NTN1: variants seen among roughly 807,000 people sequenced by gnomAD.
NTN1 encodes the protein netrin-1.
Under a neutral mutation model 54.2 loss-of-function variants are expected in NTN1, and 11 were observed. The ratio of observed to expected loss-of-function variants is 0.20; its 90% CI spans 0.13 to 0.34. The LOEUF is 0.34. NTN1 is among the 10% of genes least tolerant of loss of function. The pLI is 1.00. For synonymous variants in NTN1, 371 were observed against 382.0 expected (o/e 0.97, Z 0.33); for missense variants, 740 against 893.1 (o/e 0.83, Z 2.18).
intron 2 of NTN1, among the ~76,000 whole-genome samples, chr17:9,111,214 G>A (rs540198958): frequency 3.5e-4 from 54 of 152,274 alleles, no homozygotes; most frequent in African/African-American, 1.2e-3. Flanking sequence ...GGGATTACAG[G>A]CGTGAGCCAC....
At chr17:9,104,990 G>A (rs2092161349) in intron 2 of NTN1, among the ~76,000 whole-genome samples, 1 of 152,248 alleles carries the variant, frequency 6.6e-6, no homozygotes, top group Admixed American at 6.5e-5. Flanking sequence ...TGGGGCAGGG[G>A]TGGGGTGACC....
rs571334142 is a variant in NTN1, at chr17:9,022,757, C to G, written c.384C>G (p.Phe128Leu). Reference protein sequence around the residue: ...TCWQSENYLQFPHNVTLTLSL... With the variant: ...TCWQSENYLQLPHNVTLTLSL... Reference sequence around the variant, plus strand: ...GGCAGTCCGAGAACTACCTGCAGTTCCCGCACAACGTCACGCTCACACTGT... The same window carrying G: ...GGCAGTCCGAGAACTACCTGCAGTTGCCGCACAACGTCACGCTCACACTGT... Residue 128 changes from phenylalanine (F) to leucine (L), a missense_variant, in exon 2 of 7, where the codon TTC (phenylalanine) becomes TTG (leucine). By Grantham distance (22) the Phe-to-Leu change is conservative. Transcript: ENST00000173229. 136 of 1,609,822 alleles carry G rather than the reference C, an allele frequency of 8.4e-5. 4 individuals are homozygous for G. In the South Asian group the frequency reaches 1.4e-3, roughly 17 times the overall value.
intron 2 of NTN1, among the ~76,000 whole-genome samples, chr17:9,153,768 T>G (rs1042989553): frequency 6.6e-6 from 1 of 152,132 alleles, no homozygotes; most frequent in African/African-American, 2.4e-5. Context: ...CCTGTTTTGG[T>G]GTCCTTGTGG....
At chr17:9,210,442 ACC>A (rs930129769) in intron 5 of NTN1, among the ~76,000 whole-genome samples, 15 of 73,462 alleles carry the variant, frequency 2.0e-4, no homozygotes, top group African/African-American at 8.0e-4. Flanking sequence ...ACACCCCCAC[ACC>A]CACACACACA....
intron 2 of NTN1, among the ~76,000 whole-genome samples, chr17:9,033,929 A>G (rs1018144933): frequency 6.6e-6 from 1 of 151,792 alleles, no homozygotes; most frequent in Non-Finnish European, 1.5e-5. Context: ...AAAAAAAAAA[A>G]AAAAAGAAAA....
intron 2 of NTN1, among the ~76,000 whole-genome samples, chr17:9,047,288 T>G (rs374045982): frequency 5.9e-5 from 9 of 152,350 alleles, no homozygotes; most frequent in South Asian, 2.1e-4. Context: ...AGCTGCATAA[T>G]AGTATTTTAC....
Position 9,160,848 on chromosome 17 carries a change from T to C in NTN1, c.1019-1965T>C, listed in dbSNP as rs137990303. Among the ~76,000 whole-genome samples the C allele has an allele frequency of 8.2e-4, 124 of 152,128 alleles. 2 individuals carry two copies. In the East Asian group the frequency reaches 0.02, roughly 24 times the overall value. ...GGCACATGTCTGTGGTCCCAGCTAC[T>C]TGGGAGGCTGAGGTGGGAGGATCTG... is the stretch of plus-strand genomic sequence containing the variant. On this transcript the variant is annotated intron_variant, in intron 2 of 6. Coordinates refer to ENST00000173229, the MANE Select transcript of NTN1 (RefSeq NM_004822.3).
intron 5 of NTN1, among the ~76,000 whole-genome samples, chr17:9,192,555 AG>A (rs1248138255): frequency 1.3e-5 from 2 of 152,152 alleles, no homozygotes; most frequent in African/African-American, 4.8e-5. Flanking sequence ...TAGTGGGTAG[AG>A]GCCAGGGATG....
At chr17:9,159,390 T>A (rs1454614970) in intron 2 of NTN1, among the ~76,000 whole-genome samples, 1 of 152,198 alleles carries the variant, frequency 6.6e-6, no homozygotes, top group Non-Finnish European at 1.5e-5. Flanking sequence ...CGATACCAAA[T>A]GCATATTATT....
At chr17:9,102,578 G>A (rs57602873) in intron 2 of NTN1, among the ~76,000 whole-genome samples, 27,924 of 152,186 alleles carry the variant, frequency 0.18, 3,005 homozygotes, top group Non-Finnish European at 0.24. Context: ...ATCTACTAAA[G>A]CTGACATGTG....
At chr17:9,208,125 G>A (rs1374122364) in intron 5 of NTN1, among the ~76,000 whole-genome samples, 6 of 152,144 alleles carry the variant, frequency 3.9e-5, no homozygotes, top group Non-Finnish European at 2.9e-5. Context: ...CCAGCTACTC[G>A]GGAGGCTGAG....
chr17:9,122,820 T>C (rs1175035778), intron 2 of NTN1, among the ~76,000 whole-genome samples: 1 of 152,252 alleles, frequency 6.6e-6, no homozygotes, highest in East Asian at 1.9e-4. Context: ...CATACTTCTT[T>C]TTACTTAATA....
chr17:9,104,449 G>C (rs1421981747), intron 2 of NTN1, among the ~76,000 whole-genome samples: 1 of 152,186 alleles, frequency 6.6e-6, no homozygotes, highest in Non-Finnish European at 1.5e-5. Flanking sequence ...AAAGACACAC[G>C]AGCAGAAGCA....
chr17:9,208,704 G>A (rs1905028908), intron 5 of NTN1, among the ~76,000 whole-genome samples: 1 of 152,086 alleles, frequency 6.6e-6, no homozygotes, highest in African/African-American at 2.4e-5. Context: ...ATATTATTTT[G>A]CAAATAATAG....
rs912518924 is a variant in NTN1, at chr17:9,122,228, G to T, written c.1019-40585G>T. ...AATTTTTTGTATGTTTAAAGACGGG[G>T]TTTCACCGTGTTAGCCAGGATGGTC... On this transcript the variant is annotated intron_variant, in intron 2 of 6. Transcript: ENST00000173229. Among the ~76,000 whole-genome samples the T allele has an allele frequency of 2.0e-5, 3 of 152,104 alleles. No individual in the cohort carries two copies. In the East Asian group the frequency reaches 5.8e-4, roughly 29 times the overall value.
At chr17:9,016,092 A>G in the NTN1 span, among the ~76,000 whole-genome samples, 3 of 151,896 alleles carry the variant, frequency 2.0e-5, no homozygotes, top group African/African-American at 4.8e-5. Flanking sequence ...AGCAAAAACA[A>G]AAAAACCCCC....
intron 6 of NTN1, among the ~76,000 whole-genome samples, chr17:9,237,249 C>T (rs1217264047): frequency 6.6e-6 from 1 of 152,184 alleles, no homozygotes; most frequent in Non-Finnish European, 1.5e-5. Flanking sequence ...CCTCTCCTGG[C>T]TTGTAGATGG....
At chr17:9,005,173 C>G in the NTN1 span, among the ~76,000 whole-genome samples, 1 of 152,312 alleles carries the variant, frequency 6.6e-6, no homozygotes, top group East Asian at 1.9e-4. Flanking sequence ...CCCAGATTTT[C>G]TCTCAGGCTG....
intron 2 of NTN1, among the ~76,000 whole-genome samples, chr17:9,059,313 T>G (rs1457628258): frequency 6.6e-6 from 1 of 152,172 alleles, no homozygotes; most frequent in Admixed American, 6.5e-5. Flanking sequence ...GTATTTACAC[T>G]GAAAACAGGT....
Sources: gnomAD v4.1 joint callset for allele counts (sites outside exome capture counted in the v4.1 genomes callset) on GRCh38, gnomAD v4.1.1 for gene constraint, MANE v1.5 for transcripts, NCBI Gene and HGNC (gene_info 2026-07-23, HGNC 2026-07-21) for gene names.